MTPN: variants seen among roughly 807,000 people sequenced by gnomAD.
The protein encoded by MTPN is myotrophin.
A neutral mutation model predicts 13.5 loss-of-function variants in MTPN; 2 were observed. The ratio of observed to expected loss-of-function variants is 0.15; its 90% confidence interval spans 0.06 to 0.47. The LOEUF (loss-of-function observed/expected upper bound fraction) is 0.47, where lower values mean the gene tolerates loss of function less well. MTPN is among the 20% of genes least tolerant of loss of function. The pLI is 0.97. For missense variants in MTPN, 79 were observed against 137.9 expected (o/e 0.57, Z 2.14); for synonymous variants, 46 against 51.7 (o/e 0.89, Z 0.48).
chr7:135,956,335 T>C (rs150454343), intron 1 of MTPN, among the ~76,000 whole-genome samples: 166 of 152,330 alleles, frequency 1.1e-3, no homozygotes, highest in African/African-American at 3.7e-3. Flanking sequence ...TCATAAAACA[T>C]TACCAGTTAC....
rs763150996 is a variant in MTPN, at chr7:135,977,148, G to A, written c.-48C>T. The A allele has an allele frequency of 6.3e-7, 1 of 1,599,030 alleles. No homozygotes were observed. Among genetic ancestry groups the A allele is most frequent in the South Asian group, 1.1e-5 (1 of 90,774 alleles). Reference sequence around the variant, plus strand: ...TGGCCGGGCAGAAGATGAGGAGGCGGTGGCAGCAGCAAGCGGATGCCGCCG... The same window carrying A: ...TGGCCGGGCAGAAGATGAGGAGGCGATGGCAGCAGCAAGCGGATGCCGCCG... On this transcript the variant is annotated 5_prime_UTR_variant, in exon 1 of 4. Coordinates refer to ENST00000393085, the MANE Select transcript of MTPN (RefSeq NM_145808.4).
At chr7:135,961,318 C>T (rs79006368) in intron 1 of MTPN, among the ~76,000 whole-genome samples, 27 of 133,114 alleles carry the variant, frequency 2.0e-4, no homozygotes, top group African/African-American at 7.5e-4. Context: ...TCAGTTGATT[C>T]CCCCCCTCCC....
intron 1 of MTPN, among the ~76,000 whole-genome samples, chr7:135,962,023 G>A (rs1799531180): frequency 6.6e-6 from 1 of 151,980 alleles, no homozygotes; most frequent in African/African-American, 2.4e-5. Flanking sequence ...TGGCAGGTAA[G>A]GACACAGCAG....
At chr7:135,972,439 A>G (rs1799712080) in intron 1 of MTPN, among the ~76,000 whole-genome samples, 1 of 152,232 alleles carries the variant, frequency 6.6e-6, no homozygotes, top group African/African-American at 2.4e-5. Context: ...CATCTTGCAG[A>G]GTGCTTTCCA....
At chr7:135,961,641 C>CT (rs1799524905) in intron 1 of MTPN, among the ~76,000 whole-genome samples, 1 of 151,754 alleles carries the variant, frequency 6.6e-6, no homozygotes, top group African/African-American at 2.4e-5. Context: ...GTTCAATGTG[C>CT]TAGGCTCTTA....
intron 2 of MTPN, 134 bp downstream of exon 2, chr7:135,951,383 T>G (rs567884239): frequency 2.6e-5 from 12 of 470,302 alleles, no homozygotes; most frequent in Non-Finnish European, 4.3e-5. Flanking sequence ...TATAGGCAAT[T>G]TGGCATAATT....
intron 3 of MTPN, among the ~76,000 whole-genome samples, chr7:135,935,471 A>C (rs1198370074): frequency 6.6e-6 from 1 of 152,000 alleles, no homozygotes; most frequent in Non-Finnish European, 1.5e-5. Context: ...CGATCTCCTG[A>C]CCTTGTGATC....
chr7:135,929,651 C>A lies in MTPN; in HGVS notation c.*275G>T. The stretch of plus-strand genomic sequence containing the variant: ...ATGTTACTGGTGTATTTTGTCTTTG[C>A]TCTCCCTTGGGTATAAGGTGTATAT... On this transcript the variant is annotated 3_prime_UTR_variant, in exon 4 of 4. Transcript: ENST00000393085. 1 of 373,130 alleles carries A rather than the reference C, an allele frequency of 2.7e-6. No individual in the cohort carries two copies. The highest frequency in any genetic ancestry group is 2.1e-5 in the African/African-American group (1 of 48,670). 23.1% of individuals were successfully genotyped at this position (373,130 alleles called of 1,614,324 possible).
rs1390676386 is a variant in MTPN at position 135,928,738 on chromosome 7, A to G, written c.*1188T>C. 1 of 167,082 alleles carries G rather than the reference A, an allele frequency of 6.0e-6. No homozygotes were observed. The highest frequency in any genetic ancestry group is 1.9e-4 in the East Asian group (1 of 5,212). The allele number at this position is 167,082 out of a possible 1,614,324, so 10.3% of individuals were successfully genotyped here. On this transcript the variant is annotated 3_prime_UTR_variant, in exon 4 of 4. Transcript: ENST00000393085. ...GCACTGTATTCCAAGAACAGAGAAT[A>G]CATTTTGAAGTTGTCACACTTTATG...
At chr7:135,963,966 T>C (rs1253283267) in intron 1 of MTPN, among the ~76,000 whole-genome samples, 2 of 152,016 alleles carry the variant, frequency 1.3e-5, no homozygotes, top group Non-Finnish European at 2.9e-5. Flanking sequence ...TAAAAGCTTG[T>C]GGGAAATTAA....
chr7:135,938,481 C>A (rs181466603), intron 3 of MTPN, among the ~76,000 whole-genome samples: 5 of 152,206 alleles, frequency 3.3e-5, no homozygotes. Flanking sequence ...TCTAGTTTAA[C>A]ATTTTATGAC....
At chr7:135,932,050 C>A (rs1428874040) in intron 3 of MTPN, among the ~76,000 whole-genome samples, 1 of 151,880 alleles carries the variant, frequency 6.6e-6, no homozygotes, top group Non-Finnish European at 1.5e-5. Flanking sequence ...TTACTGTAGC[C>A]CTGTTGTGCT....
chr7:135,973,123 G>A (rs1474710812), intron 1 of MTPN, among the ~76,000 whole-genome samples: 1 of 150,510 alleles, frequency 6.6e-6, no homozygotes, highest in African/African-American at 2.4e-5. Flanking sequence ...CAGTGCAGGA[G>A]ACTGGCTGAA....
At chr7:135,970,594 T>A (rs963459936) in intron 1 of MTPN, among the ~76,000 whole-genome samples, 1 of 152,150 alleles carries the variant, frequency 6.6e-6, no homozygotes, top group Non-Finnish European at 1.5e-5. Context: ...AACAAGCTCA[T>A]AATATTGTTA....
At chr7:135,932,502 T>C (rs781112002) in intron 3 of MTPN, 4 of 152,064 alleles carry the variant, frequency 2.6e-5, no homozygotes, top group Non-Finnish European at 5.9e-5. Flanking sequence ...CTAATTATGA[T>C]GCAAACTTAT....
In MTPN at chr7:135,927,223, G is replaced by A; in HGVS notation, c.*2703C>T. On this transcript the variant is annotated 3_prime_UTR_variant, in exon 4 of 4. Coordinates refer to ENST00000393085, the MANE Select transcript of MTPN (RefSeq NM_145808.4). Reference sequence around the variant, plus strand: ...TGAATAAAAGGCCTACTTGTTTGCAGCTTCCACACACTGCACCTACCTACT... The same window carrying A: ...TGAATAAAAGGCCTACTTGTTTGCAACTTCCACACACTGCACCTACCTACT... 3 of 1,331,166 alleles carry A rather than the reference G, an allele frequency of 2.3e-6. No individual in the cohort carries two copies. The highest frequency in any genetic ancestry group is 3.0e-6 in the Non-Finnish European group (3 of 998,100). 82.5% of individuals were successfully genotyped at this position (1,331,166 alleles called of 1,614,324 possible).
At position 135,960,979 on chromosome 7, in the gene MTPN, A is replaced by T. The variant is rs73445848; in HGVS notation, c.73-9349T>A. 5.8e-3 allele frequency among the ~76,000 whole-genome samples: 889 copies of T among 152,156 alleles called. 14 individuals carry two copies. Among genetic ancestry groups the T allele is most frequent in the African/African-American group, 0.02 (849 of 41,534 alleles). ...TGAGGTGCAGGCTGATAGGAAAGGG[A>T]AGCTGCAGAGAAAGTGACATATAGC... On this transcript the variant is annotated intron_variant, in intron 1 of 3. Transcript: ENST00000393085.
chr7:135,947,634 A>T (rs1799305860), intron 3 of MTPN, among the ~76,000 whole-genome samples: 2 of 152,114 alleles, frequency 1.3e-5, no homozygotes, highest in African/African-American at 4.8e-5. Flanking sequence ...ATTTCTCATT[A>T]ACTGACCTGA....
intron 1 of MTPN, among the ~76,000 whole-genome samples, chr7:135,959,812 T>G (rs1487567993): frequency 2.7e-5 from 4 of 149,442 alleles, no homozygotes; most frequent in Admixed American, 2.7e-4. Flanking sequence ...GAGGAACATC[T>G]GCTTGTTTTT....
Sources: gnomAD v4.1 joint callset for allele counts (sites outside exome capture counted in the v4.1 genomes callset) on GRCh38, gnomAD v4.1.1 for gene constraint, MANE v1.5 for transcripts, NCBI Gene and HGNC (gene_info 2026-07-23, HGNC 2026-07-21) for gene names.